Variants in SGCD observed in about 807,000 individuals in gnomAD.
SGCD encodes the protein delta-sarcoglycan.
In SGCD, 18 loss-of-function variants were observed where a neutral mutation model predicts 36.6. The observed-to-expected ratio is 0.49, with a 90% CI of 0.34 to 0.73. The LOEUF (loss-of-function observed/expected upper bound fraction) is 0.73, where lower values mean the gene tolerates loss of function less well. SGCD is among the 30% of genes least tolerant of loss of function. The pLI is 0.01. For missense variants in SGCD, 387 were observed against 346.7 expected, an observed-to-expected ratio of 1.12 and a Z score of -0.92; for synonymous variants, 133 against 130.6, an observed-to-expected ratio of 1.02 and a Z score of -0.12.
chr5:156,499,728 G>C (rs939942089), intron 3 of SGCD, among the ~76,000 whole-genome samples: 5 of 152,264 alleles, frequency 3.3e-5, no homozygotes. Flanking sequence ...ATGGAGAAGT[G>C]AGCAGGTGCA....
chr5:155,865,493 CT>C (rs1301928970), upstream of SGCD, among the ~76,000 whole-genome samples: 1 of 152,020 alleles, frequency 6.6e-6, no homozygotes, highest in Non-Finnish European at 1.5e-5. Flanking sequence ...TGAATGTTGT[CT>C]TTTGATATTA....
chr5:156,700,021 A>G (rs1027985060), intron 7 of SGCD, among the ~76,000 whole-genome samples: 3 of 152,200 alleles, frequency 2.0e-5, no homozygotes, highest in African/African-American at 7.2e-5. Context: ...AAGAAGTCCA[A>G]TCTGGTTGGA....
intron 3 of SGCD, among the ~76,000 whole-genome samples, chr5:156,285,352 G>C (rs908638919): frequency 5.3e-5 from 8 of 152,250 alleles, no homozygotes; most frequent in Non-Finnish European, 1.2e-4. Context: ...CCCAAAAAGA[G>C]CCTGCATTGC....
At chr5:156,518,421 C>T (rs256830) in intron 4 of SGCD, among the ~76,000 whole-genome samples, 21,455 of 152,114 alleles carry the variant, frequency 0.14, 1,980 homozygotes, top group Non-Finnish European at 0.2. Context: ...CAATATTAGA[C>T]GGATCATCAA....
chr5:156,068,010 T>G (rs1268283867), intron 1 of SGCD, among the ~76,000 whole-genome samples: 1 of 151,996 alleles, frequency 6.6e-6, no homozygotes, highest in Non-Finnish European at 1.5e-5. Context: ...CTTTAGAAAT[T>G]TTGTTGAAAC....
chr5:156,098,833 T>C (rs922336230), intron 1 of SGCD, among the ~76,000 whole-genome samples: 3 of 152,366 alleles, frequency 2.0e-5, no homozygotes, highest in South Asian at 2.1e-4. Context: ...CTGCTTACTG[T>C]AGCTGAGTCT....
chr5:156,391,647 A>G (rs1460999356), intron 3 of SGCD, among the ~76,000 whole-genome samples: 1 of 152,188 alleles, frequency 6.6e-6, no homozygotes, highest in Admixed American at 6.5e-5. Context: ...ATGTGTGTAT[A>G]TTATATACAA....
intron 4 of SGCD, among the ~76,000 whole-genome samples, chr5:156,580,710 A>G (rs1561793087): frequency 6.6e-6 from 1 of 152,186 alleles, no homozygotes; most frequent in Non-Finnish European, 1.5e-5. Context: ...AAGCTTGTGC[A>G]TGCATCACAT....
chr5:156,364,847 A>G (rs755082006), intron 3 of SGCD, among the ~76,000 whole-genome samples: 6 of 152,202 alleles, frequency 3.9e-5, no homozygotes, highest in Admixed American at 2.6e-4. Flanking sequence ...TTTTCTCTCC[A>G]GAACTGTAGA....
At chr5:156,536,264 C>A (rs1441309735) in intron 4 of SGCD, among the ~76,000 whole-genome samples, 1 of 152,114 alleles carries the variant, frequency 6.6e-6, no homozygotes, top group East Asian at 1.9e-4. Context: ...AACTGAGATG[C>A]TAAGTACTTA....
intron 3 of SGCD, among the ~76,000 whole-genome samples, chr5:156,276,596 A>G (rs968905700): frequency 1.3e-5 from 2 of 152,082 alleles, no homozygotes; most frequent in African/African-American, 4.8e-5. Flanking sequence ...GATTTACTAT[A>G]TTTTCTTAAT....
chr5:156,264,818 C>CT (rs1765959866), intron 3 of SGCD, among the ~76,000 whole-genome samples: 1 of 152,080 alleles, frequency 6.6e-6, no homozygotes, highest in African/African-American at 2.4e-5. Context: ...TTGTTCACTG[C>CT]TTTTTTCCCC....
At chr5:156,711,584 C>A (rs1754996272) in intron 7 of SGCD, among the ~76,000 whole-genome samples, 1 of 152,204 alleles carries the variant, frequency 6.6e-6, no homozygotes, top group African/African-American at 2.4e-5. Context: ...GCCGTGACTT[C>A]AGGGAAAGGT....
intron 3 of SGCD, among the ~76,000 whole-genome samples, chr5:156,461,232 T>A (rs1287740716): frequency 6.6e-6 from 1 of 151,916 alleles, no homozygotes; most frequent in Non-Finnish European, 1.5e-5. Context: ...AGATGTGTAT[T>A]GCATTCTTAT....
At chr5:156,136,062 C>T (rs1162572182) in intron 3 of SGCD, among the ~76,000 whole-genome samples, 1 of 152,238 alleles carries the variant, frequency 6.6e-6, no homozygotes, top group East Asian at 1.9e-4. Context: ...CTAGTTACTA[C>T]CTTTCTGACA....
chr5:155,930,121 C>T (rs766138748), intron 1 of SGCD, among the ~76,000 whole-genome samples: 1 of 152,186 alleles, frequency 6.6e-6, no homozygotes, highest in East Asian at 1.9e-4. Context: ...CTCTCCACCC[C>T]TCTTGCCAAA....
At chr5:156,442,999 T>A (rs554660525) in intron 3 of SGCD, among the ~76,000 whole-genome samples, 3 of 150,998 alleles carry the variant, frequency 2.0e-5, no homozygotes, top group Non-Finnish European at 2.9e-5. Flanking sequence ...TTCTACCTTC[T>A]TTTTTTTGAG....
chr5:156,118,257 A>C (rs1761950407), intron 2 of SGCD, among the ~76,000 whole-genome samples: 1 of 152,068 alleles, frequency 6.6e-6, no homozygotes, highest in Admixed American at 6.6e-5. Flanking sequence ...ACTGGCATGC[A>C]TGGAAGCTTA....
At chr5:156,473,157 A>G (rs1271668615) in intron 3 of SGCD, among the ~76,000 whole-genome samples, 1 of 152,158 alleles carries the variant, frequency 6.6e-6, no homozygotes, top group East Asian at 1.9e-4. Flanking sequence ...TTATTTTACC[A>G]ACTGTGCAAT....
Sources: gnomAD v4.1 joint callset for allele counts (sites outside exome capture counted in the v4.1 genomes callset) on GRCh38, gnomAD v4.1.1 for gene constraint, MANE v1.5 for transcripts, NCBI Gene and HGNC (gene_info 2026-07-23, HGNC 2026-07-21) for gene names.